The following NMNAT2 variants were observed in gnomAD, a reference collection of about 807,000 sequenced individuals.
NMNAT2 encodes nicotinamide nucleotide adenylyltransferase 2, also known as nicotinamide/nicotinic acid mononucleotide adenylyltransferase 2.
In NMNAT2, 11 loss-of-function variants were observed where a neutral mutation model predicts 41.6. That is an observed-to-expected ratio of 0.26 (90% CI 0.17 to 0.44). The LOEUF (loss-of-function observed/expected upper bound fraction) is 0.44, where lower values mean the gene tolerates loss of function less well. NMNAT2 is among the 20% of genes least tolerant of loss of function. The pLI, the probability that NMNAT2 is intolerant of heterozygous loss-of-function variation, is 1.00. For missense variants in NMNAT2, 288 were observed against 407.7 expected (o/e 0.71, Z 2.53); for synonymous variants, 148 against 151.2 (o/e 0.98, Z 0.16).
chr1:183,397,068 G>A (rs1648669907), intron 1 of NMNAT2, among the ~76,000 whole-genome samples: 1 of 152,122 alleles, frequency 6.6e-6, no homozygotes, highest in Non-Finnish European at 1.5e-5. Flanking sequence ...ACTTGCTGTG[G>A]GGCTTTGAGA....
chr1:183,284,613 G>A (rs377371517), intron 6 of NMNAT2, 97 bp downstream of exon 6: 18 of 1,009,396 alleles, frequency 1.8e-5, no homozygotes, highest in South Asian at 5.1e-5. Context: ...GGGAATTTGC[G>A]GTGGGGGGAA....
chr1:183,324,151 C>A (rs1477295974), intron 1 of NMNAT2, among the ~76,000 whole-genome samples: 1 of 152,112 alleles, frequency 6.6e-6, no homozygotes, highest in Non-Finnish European at 1.5e-5. Context: ...AGAACAGATA[C>A]CAAGGTGCAT....
chr1:183,414,009 G>T lies in NMNAT2; in HGVS notation c.85+4174C>A, dbSNP rs1649191197. 2.6e-5 allele frequency among the ~76,000 whole-genome samples: 4 copies of T among 152,238 alleles called. 1 individual carries two copies. The Middle Eastern group carries it at 0.014, about 518-fold the overall frequency. On this transcript the variant is annotated intron_variant, in intron 1 of 10. Coordinates refer to ENST00000287713, the MANE Select transcript of NMNAT2 (RefSeq NM_015039.4). ...AAGCTCTCCCTGATATTAACCACCC[G>T]ACCTGAATGAATGACTCCTTGCAAC... is the stretch of plus-strand genomic sequence containing the variant.
In NMNAT2 at chr1:183,249,686, T is replaced by C. The variant is rs1660322446; in HGVS notation, c.*2955A>G. On this transcript the variant is annotated 3_prime_UTR_variant, in exon 11 of 11. Transcript: ENST00000287713. ...CCTAGCAAATGAAGAGTAGGGCGTG[T>C]GTGTGTGTGTGTGTGTGTGTGTGTG... is the stretch of plus-strand genomic sequence containing the variant. 1 of 62,154 alleles carries C rather than the reference T, an allele frequency of 1.6e-5. No homozygotes were observed. The highest frequency in any genetic ancestry group is 2.7e-5 in the Non-Finnish European group (1 of 37,040). The allele number at this position is 62,154 out of a possible 1,614,324, so 3.9% of individuals were successfully genotyped here. A position where few individuals can be genotyped will look rare whatever the true frequency, so the allele number is the denominator to read the frequency against.
At chr1:183,301,611 A>T (rs922830466) in intron 1 of NMNAT2, among the ~76,000 whole-genome samples, 1 of 152,212 alleles carries the variant, frequency 6.6e-6, no homozygotes, top group Non-Finnish European at 1.5e-5. Flanking sequence ...CCGTTGCCAC[A>T]TCCTGTCCTC....
At chr1:183,373,309 C>T (rs578159803) in intron 1 of NMNAT2, among the ~76,000 whole-genome samples, 1 of 152,298 alleles carries the variant, frequency 6.6e-6, no homozygotes, top group South Asian at 2.1e-4. Context: ...AACCTAAGGT[C>T]CTAACTGAGA....
intron 1 of NMNAT2, among the ~76,000 whole-genome samples, chr1:183,384,564 G>T (rs1648126520): frequency 6.6e-6 from 1 of 152,176 alleles, no homozygotes; most frequent in South Asian, 2.1e-4. Flanking sequence ...ACGGCAAGGG[G>T]AGAGTCTGCC....
intron 8 of NMNAT2, among the ~76,000 whole-genome samples, chr1:183,266,241 T>C (rs576376810): frequency 1.3e-5 from 2 of 152,192 alleles, no homozygotes; most frequent in Non-Finnish European, 2.9e-5. Flanking sequence ...CATCTCTCAT[T>C]TGGATTGCTC....
intron 1 of NMNAT2, among the ~76,000 whole-genome samples, chr1:183,321,249 T>TTTTCCTTTACTC (rs1290840861): frequency 6.6e-6 from 1 of 152,176 alleles, no homozygotes. Flanking sequence ...CTCCCTTCTA[T>TTTTCCTTTACTC]TTTCCTTTAC....
At chr1:183,300,705 T>C (rs1265371888) in intron 1 of NMNAT2, among the ~76,000 whole-genome samples, 1 of 152,214 alleles carries the variant, frequency 6.6e-6, no homozygotes, top group African/African-American at 2.4e-5. Context: ...TTTTGAAATG[T>C]TCATGATAAA....
intron 1 of NMNAT2, among the ~76,000 whole-genome samples, chr1:183,338,148 T>TAAA (rs1557882320): frequency 5.0e-5 from 1 of 19,816 alleles, no homozygotes. Context: ...CCCCATCTCT[T>TAAA]TAAAAAAAAA....
At chr1:183,401,800 C>A (rs1648816242) in intron 1 of NMNAT2, among the ~76,000 whole-genome samples, 1 of 151,794 alleles carries the variant, frequency 6.6e-6, no homozygotes, top group African/African-American at 2.4e-5. Flanking sequence ...TCATTCTGAG[C>A]AAACTATTGC....
At chr1:183,273,775 C>T (rs1177408379) in intron 8 of NMNAT2, among the ~76,000 whole-genome samples, 1 of 148,292 alleles carries the variant, frequency 6.7e-6, no homozygotes, top group African/African-American at 2.5e-5. Context: ...CTTCCTTCCT[C>T]TTTCTTTCTT....
intron 1 of NMNAT2, among the ~76,000 whole-genome samples, chr1:183,378,391 T>C (rs1026550630): frequency 7.4e-6 from 1 of 135,808 alleles, no homozygotes; most frequent in African/African-American, 2.7e-5. Context: ...GAGACTCCAT[T>C]AAAAAAAAAA....
intron 1 of NMNAT2, among the ~76,000 whole-genome samples, chr1:183,323,287 C>G (rs1162080723): frequency 6.6e-6 from 1 of 152,194 alleles, no homozygotes; most frequent in Non-Finnish European, 1.5e-5. Context: ...TTCCTCCCTC[C>G]CTGCAATGGT....
At chr1:183,327,749 T>C (rs937753977) in intron 1 of NMNAT2, among the ~76,000 whole-genome samples, 1 of 152,196 alleles carries the variant, frequency 6.6e-6, no homozygotes, top group Non-Finnish European at 1.5e-5. Flanking sequence ...TGGACAGATC[T>C]CTTGGGAGTG....
At chr1:183,311,711 C>T (rs1299683966) in intron 1 of NMNAT2, among the ~76,000 whole-genome samples, 2 of 147,138 alleles carry the variant, frequency 1.4e-5, no homozygotes, top group Admixed American at 7.0e-5. Context: ...TCACATCACA[C>T]GTCCAGTCCC....
At chr1:183,253,231 A>G (rs1472563071) in intron 10 of NMNAT2, among the ~76,000 whole-genome samples, 1 of 148,076 alleles carries the variant, frequency 6.8e-6, no homozygotes, top group African/African-American at 2.5e-5. Context: ...GTTATATTAC[A>G]TATTTATTAT....
At chr1:183,389,610 C>T (rs1305253595) in intron 1 of NMNAT2, among the ~76,000 whole-genome samples, 1 of 151,280 alleles carries the variant, frequency 6.6e-6, no homozygotes, top group Non-Finnish European at 1.5e-5. Flanking sequence ...GGGGCACATG[C>T]CTGTAGTCCC....
Sources: allele counts gnomAD v4.1 joint callset (sites outside exome capture counted in the v4.1 genomes callset), GRCh38; gene constraint gnomAD v4.1.1; transcripts MANE v1.5; gene names NCBI Gene and HGNC (gene_info 2026-07-23, HGNC 2026-07-21).